IGF2BP2: variants seen among roughly 807,000 people sequenced by gnomAD.
IGF2BP2 encodes the protein insulin like growth factor 2 mRNA binding protein 2.
A neutral mutation model predicts 75.8 loss-of-function variants in IGF2BP2; 17 were observed. The ratio of observed to expected loss-of-function variants is 0.22; its 90% CI spans 0.15 to 0.34. IGF2BP2 has a LOEUF of 0.34. IGF2BP2 is among the 10% of genes least tolerant of loss of function. The pLI, the probability that IGF2BP2 is intolerant of heterozygous loss-of-function variation, is 1.00. For synonymous variants in IGF2BP2, 288 were observed against 295.6 expected, an observed-to-expected ratio of 0.97 and a Z score of 0.26; for missense variants, 516 against 772.4, an observed-to-expected ratio of 0.67 and a Z score of 3.93.
intron 2 of IGF2BP2, among the ~76,000 whole-genome samples, chr3:185,746,664 A>G (rs534526679): frequency 5.9e-5 from 9 of 152,216 alleles, no homozygotes; most frequent in Non-Finnish European, 1.2e-4. Context: ...GGGCGGAGCA[A>G]AAGTGGGGAC....
At chr3:185,732,629 C>T (rs1421140050) in intron 2 of IGF2BP2, among the ~76,000 whole-genome samples, 1 of 152,184 alleles carries the variant, frequency 6.6e-6, no homozygotes, top group Non-Finnish European at 1.5e-5. Flanking sequence ...AGACCCATGT[C>T]TCAAGCTCTC....
chr3:185,806,412 C>T (rs1739038139), intron 2 of IGF2BP2, among the ~76,000 whole-genome samples: 1 of 152,082 alleles, frequency 6.6e-6, no homozygotes, highest in African/African-American at 2.4e-5. Flanking sequence ...AGTAAGCACT[C>T]CTAAGGGACT....
chr3:185,787,246 A>G (rs1736019963), intron 2 of IGF2BP2, among the ~76,000 whole-genome samples: 1 of 152,194 alleles, frequency 6.6e-6, no homozygotes, highest in South Asian at 2.1e-4. Context: ...AATGTAGTTA[A>G]CGCTCCTGAG....
chr3:185,655,243 T>C (rs1250506207), intron 12 of IGF2BP2, among the ~76,000 whole-genome samples: 2 of 152,218 alleles, frequency 1.3e-5, no homozygotes, highest in Admixed American at 1.3e-4. Context: ...GTGATTCTCC[T>C]GCCTCAGCCT....
intron 2 of IGF2BP2, among the ~76,000 whole-genome samples, chr3:185,785,470 A>G (rs1387273512): frequency 3.3e-5 from 5 of 152,226 alleles, no homozygotes; most frequent in African/African-American, 7.2e-5. Context: ...TCTGTCTGAT[A>G]TATCAGGGAG....
chr3:185,668,428 AAAG>A (rs1717981513), intron 10 of IGF2BP2, among the ~76,000 whole-genome samples: 1 of 150,924 alleles, frequency 6.6e-6, no homozygotes, highest in African/African-American at 2.4e-5. Context: ...AATTTGGATA[AAAG>A]AAGAAAGGCT....
At chr3:185,742,705 T>C (rs1729732806) in intron 2 of IGF2BP2, among the ~76,000 whole-genome samples, 2 of 152,096 alleles carry the variant, frequency 1.3e-5, no homozygotes, top group Non-Finnish European at 2.9e-5. Context: ...GTTAGTTTAA[T>C]GCAGCATTTC....
At chr3:185,676,036 G>C in intron 7 of IGF2BP2, 123 bp from the exon 8 acceptor site, 1 of 1,284,290 alleles carries the variant, frequency 7.8e-7, no homozygotes, top group Non-Finnish European at 1.1e-6. Flanking sequence ...GTGATGATGG[G>C]ATTTGGGAGA....
intron 2 of IGF2BP2, among the ~76,000 whole-genome samples, chr3:185,724,095 C>T (rs954505829): frequency 3.9e-5 from 6 of 152,256 alleles, no homozygotes; most frequent in African/African-American, 1.4e-4. Flanking sequence ...TCCTAAGTGG[C>T]ACCAGGACCC....
chr3:185,783,137 T>C (rs887706202), intron 2 of IGF2BP2, among the ~76,000 whole-genome samples: 1 of 152,210 alleles, frequency 6.6e-6, no homozygotes, highest in Non-Finnish European at 1.5e-5. Context: ...ATCATATATA[T>C]GATTCACAGT....
At position 185,723,600 on chromosome 3, in the gene IGF2BP2, C is replaced by T. The variant is rs75271551; in HGVS notation, c.240-25253G>A. Among the ~76,000 whole-genome samples the T allele has an allele frequency of 1.3e-4, 20 of 152,288 alleles. No individual in the cohort carries two copies. The East Asian group carries it at 3.9e-3, about 29-fold the overall frequency. The stretch of plus-strand genomic sequence containing the variant: ...CTAGCACAGGTGTTCCAGCACTGGG[C>T]CAAGCCCCTCAGGAGGACCGAGTGT... On this transcript the variant is annotated intron_variant, in intron 2 of 15. Coordinates refer to ENST00000382199, the MANE Select transcript of IGF2BP2 (RefSeq NM_006548.6).
intron 2 of IGF2BP2, among the ~76,000 whole-genome samples, chr3:185,765,891 T>C (rs938154335): frequency 2.0e-5 from 3 of 152,190 alleles, no homozygotes; most frequent in African/African-American, 7.2e-5. Context: ...AGCAAAGCTG[T>C]AAAGCTAAAT....
chr3:185,756,418 C>T (rs1003071063), intron 2 of IGF2BP2, among the ~76,000 whole-genome samples: 3 of 152,174 alleles, frequency 2.0e-5, no homozygotes, highest in African/African-American at 7.2e-5. Context: ...AACACAGGAT[C>T]ACTGAATGAT....
intron 2 of IGF2BP2, among the ~76,000 whole-genome samples, chr3:185,791,863 C>A (rs1736687032): frequency 6.6e-6 from 1 of 152,214 alleles, no homozygotes; most frequent in Admixed American, 6.5e-5. Context: ...ATTCCTAATT[C>A]TTCACTTCTT....
chr3:185,651,897 G>C (rs1432301983), intron 13 of IGF2BP2, among the ~76,000 whole-genome samples, 197 bp downstream of exon 13: 1 of 152,224 alleles, frequency 6.6e-6, no homozygotes. Flanking sequence ...CCATGAGAGG[G>C]AAGGGAAAGA....
intron 7 of IGF2BP2, among the ~76,000 whole-genome samples, chr3:185,686,271 C>G (rs1285204713): frequency 6.6e-6 from 1 of 151,902 alleles, no homozygotes; most frequent in Non-Finnish European, 1.5e-5. Flanking sequence ...GTAATCCCAG[C>G]TATTCGGGAG....
At chr3:185,816,504 C>T (rs554713814) in intron 2 of IGF2BP2, among the ~76,000 whole-genome samples, 3 of 152,258 alleles carry the variant, frequency 2.0e-5, no homozygotes, top group Non-Finnish European at 4.4e-5. Flanking sequence ...CAGCATTCTT[C>T]GAACTTTACA....
At chr3:185,774,876 C>T (rs193040401) in intron 2 of IGF2BP2, among the ~76,000 whole-genome samples, 43 of 151,928 alleles carry the variant, frequency 2.8e-4, no homozygotes, top group East Asian at 9.7e-4. Context: ...AAAAATTAGC[C>T]GGGGATGCTG....
At chr3:185,713,378 T>C (rs754900094) in intron 2 of IGF2BP2, 1 of 519,680 alleles carries the variant, frequency 1.9e-6, no homozygotes, top group Middle Eastern at 3.2e-4. Context: ...TGAGGAAAAC[T>C]TAAGGCATGG....
Sources: gnomAD v4.1 joint callset for allele counts (sites outside exome capture counted in the v4.1 genomes callset) on GRCh38, gnomAD v4.1.1 for gene constraint, MANE v1.5 for transcripts, NCBI Gene and HGNC (gene_info 2026-07-23, HGNC 2026-07-21) for gene names.